The following FHIT variants were observed in gnomAD, a reference collection of about 807,000 sequenced individuals.
The protein encoded by FHIT is fragile histidine triad diadenosine triphosphatase.
Under a neutral mutation model 17.9 loss-of-function variants are expected in FHIT, and 19 were observed. The ratio of observed to expected loss-of-function variants is 1.06; its 90% confidence interval spans 0.74 to 1.56. The LOEUF (loss-of-function observed/expected upper bound fraction) is 1.56. Ranked by LOEUF, FHIT falls within the 40% of genes most tolerant of loss-of-function variation. The pLI, the probability that FHIT is intolerant of heterozygous loss-of-function variation, is 0.00. For missense variants in FHIT, 248 were observed against 189.2 expected (o/e 1.31, Z -1.82); for synonymous variants, 81 against 69.7 (o/e 1.16, Z -0.81).
At chr3:60,048,612 G>A (rs1055930772) in intron 5 of FHIT, among the ~76,000 whole-genome samples, 2 of 152,178 alleles carry the variant, frequency 1.3e-5, no homozygotes, top group African/African-American at 2.4e-5. Flanking sequence ...TCTACAAAAC[G>A]CAACGGTGGG....
At position 60,439,985 on chromosome 3, in the gene FHIT, T is replaced by C. The variant is rs77783785; in HGVS notation, c.103+96875A>G. Among the ~76,000 whole-genome samples, 1,432 of 152,162 alleles carry C rather than the reference T, an allele frequency of 9.4e-3. 16 individuals carry two copies. The highest frequency in any genetic ancestry group is 0.033 in the African/African-American group (1,374 of 41,516). On this transcript the variant is annotated intron_variant, in intron 5 of 9. Transcript: ENST00000492590. ...TCTTTCTCACCATTTACTGAGGTACTCTCACCCCTACTTCACATCGACAGC... is the reference window on the plus strand; with the variant it reads ...TCTTTCTCACCATTTACTGAGGTACCCTCACCCCTACTTCACATCGACAGC...
chr3:59,817,577 A>AG (rs1218079722), intron 8 of FHIT, among the ~76,000 whole-genome samples: 12 of 151,062 alleles, frequency 7.9e-5, no homozygotes, highest in African/African-American at 2.9e-4. Flanking sequence ...AAAAAAAAAA[A>AG]AAAGAAAGAA....
chr3:60,662,662 G>T (rs1318566747), intron 4 of FHIT, among the ~76,000 whole-genome samples: 1 of 152,012 alleles, frequency 6.6e-6, no homozygotes, highest in Non-Finnish European at 1.5e-5. Context: ...TCACAATATT[G>T]ATTCTATCCA....
At chr3:60,627,500 G>A (rs1553681288) in intron 4 of FHIT, among the ~76,000 whole-genome samples, 1 of 151,998 alleles carries the variant, frequency 6.6e-6, no homozygotes, top group Non-Finnish European at 1.5e-5. Context: ...AAGGTGAGTA[G>A]TAAGGTCCCC....
chr3:60,418,441 C>A (rs2107254354), intron 5 of FHIT, among the ~76,000 whole-genome samples: 1 of 132,432 alleles, frequency 7.6e-6, no homozygotes, highest in Admixed American at 7.7e-5. Flanking sequence ...TATACACACA[C>A]ACCACAGACG....
intron 8 of FHIT, among the ~76,000 whole-genome samples, chr3:59,825,285 T>G (rs1575554540): frequency 1.3e-5 from 2 of 152,348 alleles, no homozygotes; most frequent in East Asian, 3.9e-4. Context: ...ATTTCAGACC[T>G]TGTCATTTTC....
intron 3 of FHIT, among the ~76,000 whole-genome samples, chr3:61,026,646 A>AC (rs1011523234): frequency 7.3e-6 from 1 of 137,266 alleles, no homozygotes; most frequent in African/African-American, 3.1e-5. Flanking sequence ...ACATTATGAG[A>AC]CCTTTTTTTT....
chr3:61,106,634 A>G (rs1012501165), intron 2 of FHIT, among the ~76,000 whole-genome samples: 1 of 152,144 alleles, frequency 6.6e-6, no homozygotes, highest in Admixed American at 6.6e-5. Context: ...GTGAATTAAC[A>G]TATGCATTCA....
chr3:60,490,176 C>T (rs916117519), intron 5 of FHIT, among the ~76,000 whole-genome samples: 1 of 152,034 alleles, frequency 6.6e-6, no homozygotes, highest in African/African-American at 2.4e-5. Flanking sequence ...AAGCCACAAA[C>T]ATGGTTTAAT....
At chr3:61,040,295 C>T (rs543769323) in intron 3 of FHIT, among the ~76,000 whole-genome samples, 6 of 152,276 alleles carry the variant, frequency 3.9e-5, no homozygotes, top group East Asian at 3.9e-4. Flanking sequence ...AGAATTCCTC[C>T]GCCTTATTTT....
chr3:59,936,441 C>T (rs550853812), intron 7 of FHIT, among the ~76,000 whole-genome samples: 2 of 130,058 alleles, frequency 1.5e-5, no homozygotes, highest in South Asian at 5.5e-4. Flanking sequence ...GTTTGCTATA[C>T]ACATAATTAC....
chr3:60,883,314 AT>A (rs1380425741), intron 3 of FHIT, among the ~76,000 whole-genome samples: 1 of 152,160 alleles, frequency 6.6e-6, no homozygotes, highest in Non-Finnish European at 1.5e-5. Context: ...TACAGATTTG[AT>A]GTAAACCTTT....
chr3:60,183,705 A>C (rs950580567), intron 5 of FHIT, among the ~76,000 whole-genome samples: 2 of 152,126 alleles, frequency 1.3e-5, no homozygotes, highest in Admixed American at 6.6e-5. Flanking sequence ...CCTCCCCAGA[A>C]TCCCTTTAAA....
rs896640431 is a variant in FHIT at position 60,640,174 on chromosome 3, G to C, written c.-17-103195C>G. Reference sequence around the variant, plus strand: ...CAGTGTGGCACAAGGAAAGTTTTAGGGGTGGCAGAAATGTTCTGCACCTTG... The same window carrying C: ...CAGTGTGGCACAAGGAAAGTTTTAGCGGTGGCAGAAATGTTCTGCACCTTG... On this transcript the variant is annotated intron_variant, in intron 4 of 9. Coordinates refer to ENST00000492590, the MANE Select transcript of FHIT (RefSeq NM_002012.4). Among the ~76,000 whole-genome samples the C allele has an allele frequency of 3.3e-5, 5 of 152,186 alleles. No homozygotes were observed. In the East Asian group the frequency reaches 5.8e-4, roughly 18 times the overall value.
intron 4 of FHIT, among the ~76,000 whole-genome samples, chr3:60,546,952 C>A (rs2036387760): frequency 6.6e-6 from 1 of 151,992 alleles, no homozygotes. Flanking sequence ...TGCTAGTACA[C>A]CTATTTCTTC....
At chr3:61,179,211 T>C (rs974905869) in intron 2 of FHIT, among the ~76,000 whole-genome samples, 1 of 152,008 alleles carries the variant, frequency 6.6e-6, no homozygotes, top group African/African-American at 2.4e-5. Context: ...GGTTTCACCA[T>C]GTTGGCCAGA....
At chr3:59,978,522 C>T (rs169839) in intron 7 of FHIT, among the ~76,000 whole-genome samples, 142,593 of 151,370 alleles carry the variant, frequency 0.94, 67,688 homozygotes, top group Non-Finnish European at 1. Context: ...GTTAAACAGC[C>T]AATTAACTAG....
intron 5 of FHIT, among the ~76,000 whole-genome samples, chr3:60,385,632 T>C (rs1024119985): frequency 1.3e-5 from 2 of 152,162 alleles, no homozygotes; most frequent in African/African-American, 4.8e-5. Context: ...CAGTCTAGAG[T>C]GCAGTTGCAC....
At chr3:59,870,953 T>G (rs1158561114) in intron 8 of FHIT, among the ~76,000 whole-genome samples, 1 of 151,962 alleles carries the variant, frequency 6.6e-6, no homozygotes, top group East Asian at 1.9e-4. Flanking sequence ...TACTACATAG[T>G]TCATACCACA....
Sources: allele counts gnomAD v4.1 joint callset (sites outside exome capture counted in the v4.1 genomes callset), GRCh38; gene constraint gnomAD v4.1.1; transcripts MANE v1.5; gene names NCBI Gene and HGNC (gene_info 2026-07-23, HGNC 2026-07-21).